The following HDAC9 variants were observed in gnomAD, a reference collection of about 807,000 sequenced individuals.
HDAC9 encodes the protein histone deacetylase 9.
HDAC9 carries 41 observed loss-of-function variants against 139.4 expected under a neutral mutation model. That is an observed-to-expected ratio of 0.29 (90% confidence interval 0.23 to 0.38). The LOEUF (loss-of-function observed/expected upper bound fraction) is 0.38. Among genes scored for constraint, HDAC9 ranks in the 10% least tolerant of loss-of-function variants. The probability of loss-of-function intolerance (pLI) is 1.00; values close to 1 mark genes in which losing one functional copy is unlikely to be tolerated. For missense variants in HDAC9, 1,147 were observed against 1,297.0 expected (o/e 0.88, Z 1.78); for synonymous variants, 517 against 476.2 (o/e 1.09, Z -1.12).
intron 1 of HDAC9, among the ~76,000 whole-genome samples, chr7:18,483,661 AT>A (rs1450948932): frequency 6.6e-6 from 1 of 152,184 alleles, no homozygotes; most frequent in Non-Finnish European, 1.5e-5. Flanking sequence ...TTCTGGCAGA[AT>A]TTTTCTCATC....
At chr7:18,522,665 A>G (rs801757) in intron 2 of HDAC9, among the ~76,000 whole-genome samples, 2,460 of 151,920 alleles carry the variant, frequency 0.016, 66 homozygotes, top group African/African-American at 0.056. Flanking sequence ...TGCCTCTCTT[A>G]TTTCTTGTCC....
rs1784645657 is a variant in HDAC9 at position 18,715,606 on chromosome 7, C to T, written c.1732-11974C>T. Reference sequence around the variant, plus strand: ...AATGAGAGGGTATAAAGATTAATGTCTGATCCTGAAAGAATTGGGATCCTA... The same window carrying T: ...AATGAGAGGGTATAAAGATTAATGTTTGATCCTGAAAGAATTGGGATCCTA... On this transcript the variant is annotated intron_variant, in intron 12 of 25. Coordinates refer to ENST00000686413, the MANE Select transcript of HDAC9 (RefSeq NM_178425.4). Among the ~76,000 whole-genome samples the T allele has an allele frequency of 2.0e-5, 3 of 152,094 alleles. No homozygotes were observed. The South Asian group carries it at 6.2e-4, about 31-fold the overall frequency.
In HDAC9 at chr7:18,500,935, A is replaced by G. The variant is rs142898663; in HGVS notation, c.22+4611A>G. Among the ~76,000 whole-genome samples the G allele has an allele frequency of 1.2e-3, 182 of 152,256 alleles. 9 individuals are homozygous for G. In the East Asian group the frequency reaches 0.031, roughly 26 times the overall value. On this transcript the variant is annotated intron_variant, in intron 2 of 25. Transcript: ENST00000686413. ...AATGAATCAAGAATGGAAAATCATA[A>G]TGATTATAGAAAAAAATATTCATTA... is the stretch of plus-strand genomic sequence containing the variant.
At chr7:18,746,974 G>T (rs1239686246) in intron 13 of HDAC9, among the ~76,000 whole-genome samples, 2 of 152,156 alleles carry the variant, frequency 1.3e-5, no homozygotes, top group Admixed American at 1.3e-4. Flanking sequence ...ATTAAAAACT[G>T]AGCCTTGAAG....
intron 17 of HDAC9, among the ~76,000 whole-genome samples, chr7:18,823,933 A>G (rs1313492503): frequency 6.6e-6 from 1 of 151,574 alleles, no homozygotes; most frequent in Non-Finnish European, 1.5e-5. Flanking sequence ...AGCTGAGATG[A>G]TGCCACTGCA....
At chr7:18,976,616 G>A (rs1372021273) in intron 25 of HDAC9, among the ~76,000 whole-genome samples, 1 of 152,132 alleles carries the variant, frequency 6.6e-6, no homozygotes, top group Admixed American at 6.5e-5. Flanking sequence ...ACTAAGATTT[G>A]ATTCACTTGT....
intron 17 of HDAC9, among the ~76,000 whole-genome samples, chr7:18,796,687 G>A (rs2588613): frequency 0.054 from 8,179 of 152,212 alleles, 734 homozygotes; most frequent in African/African-American, 0.19. Context: ...CATGTTTGGT[G>A]TATTGGAAAT....
In HDAC9 at chr7:18,996,902, C is replaced by G. The variant is rs1308535286; in HGVS notation, c.*840C>G. On this transcript the variant is annotated 3_prime_UTR_variant, in exon 26 of 26. Transcript: ENST00000686413. ...AGGTCTGAGCAAATGTTCCACCAAGCATTTTCAGTGTCTTTGAAAAGCACG... is the reference window on the plus strand; with the variant it reads ...AGGTCTGAGCAAATGTTCCACCAAGGATTTTCAGTGTCTTTGAAAAGCACG... 1 of 152,184 alleles carries G rather than the reference C, an allele frequency of 6.6e-6. No homozygotes were observed. The highest frequency in any genetic ancestry group is 1.5e-5 in the Non-Finnish European group (1 of 68,050). The allele number at this position is 152,184 out of a possible 1,614,324, so 9.4% of individuals were successfully genotyped here.
chr7:18,832,558 T>G (rs746146990), intron 19 of HDAC9, among the ~76,000 whole-genome samples: 5 of 152,162 alleles, frequency 3.3e-5, no homozygotes, highest in African/African-American at 4.8e-5. Context: ...TTTGGGAGTT[T>G]TAATGTTTCA....
At chr7:18,366,211 C>G (rs994845348) in intron 1 of HDAC9, among the ~76,000 whole-genome samples, 4 of 152,088 alleles carry the variant, frequency 2.6e-5, no homozygotes, top group African/African-American at 9.7e-5. Context: ...AACTGCAGAA[C>G]TGCTGTAAGC....
intron 1 of HDAC9, among the ~76,000 whole-genome samples, chr7:18,133,403 A>T (rs1216575746): frequency 6.6e-6 from 1 of 152,144 alleles, no homozygotes; most frequent in South Asian, 2.1e-4. Context: ...ATGTGAGAAG[A>T]CTTGTCAAAT....
intron 2 of HDAC9, among the ~76,000 whole-genome samples, chr7:18,571,116 A>G (rs1349113537): frequency 6.6e-6 from 1 of 152,254 alleles, no homozygotes; most frequent in African/African-American, 2.4e-5. Flanking sequence ...CAATCCATTT[A>G]GCTTGGCAAG....
intron 12 of HDAC9, among the ~76,000 whole-genome samples, chr7:18,674,251 C>G (rs1781358088): frequency 6.6e-6 from 1 of 152,014 alleles, no homozygotes; most frequent in African/African-American, 2.4e-5. Context: ...CCTTTTACAT[C>G]AGTGTGATAT....
chr7:18,940,444 T>G lies in HDAC9; in HGVS notation c.2937+4502T>G, dbSNP rs1781950087. On this transcript the variant is annotated intron_variant, in intron 23 of 25. Coordinates refer to ENST00000686413, the MANE Select transcript of HDAC9 (RefSeq NM_178425.4). ...CCAGAAGTCCATTTTTTTCTTTTTCTTGGCAAAGTTTAGAACTTAGATTTA... is the reference window on the plus strand; with the variant it reads ...CCAGAAGTCCATTTTTTTCTTTTTCGTGGCAAAGTTTAGAACTTAGATTTA... 5.3e-5 allele frequency among the ~76,000 whole-genome samples: 8 copies of G among 152,262 alleles called. No homozygotes were observed. The South Asian group carries it at 1.7e-3, about 32-fold the overall frequency.
intron 9 of HDAC9, among the ~76,000 whole-genome samples, chr7:18,646,185 C>A (rs1787339043): frequency 6.6e-6 from 1 of 151,828 alleles, no homozygotes; most frequent in Non-Finnish European, 1.5e-5. Context: ...AAGTAAATAC[C>A]AACCCAAAAA....
intron 16 of HDAC9, among the ~76,000 whole-genome samples, chr7:18,780,556 C>A (rs959808445): frequency 1.3e-5 from 2 of 151,896 alleles, no homozygotes; most frequent in East Asian, 3.9e-4. Context: ...AAGGAAGCAC[C>A]CAATGCTGGC....
chr7:18,888,778 T>G (rs1411327327), intron 22 of HDAC9, among the ~76,000 whole-genome samples: 1 of 152,218 alleles, frequency 6.6e-6, no homozygotes, highest in African/African-American at 2.4e-5. Context: ...GAAAAAGAAA[T>G]GCCTAGGGTT....
intron 2 of HDAC9, among the ~76,000 whole-genome samples, chr7:18,212,327 C>T (rs1390329084): frequency 1.3e-5 from 2 of 152,092 alleles, no homozygotes; most frequent in African/African-American, 4.8e-5. Context: ...TTCTTTACCT[C>T]ATATAATATT....
chr7:18,304,595 GA>G (rs35982834), intron 1 of HDAC9, among the ~76,000 whole-genome samples: 1 of 151,880 alleles, frequency 6.6e-6, no homozygotes, highest in Non-Finnish European at 1.5e-5. Flanking sequence ...CATGAAAGTT[GA>G]AAAAAAGTAG....
Sources: gnomAD v4.1 joint callset for allele counts (sites outside exome capture counted in the v4.1 genomes callset) on GRCh38, gnomAD v4.1.1 for gene constraint, MANE v1.5 for transcripts, NCBI Gene and HGNC (gene_info 2026-07-23, HGNC 2026-07-21) for gene names.